The following CHD7 variants were observed in gnomAD, a reference collection of about 807,000 sequenced individuals.
CHD7 encodes ATP-dependent chromatin remodeler CHD7.
A neutral mutation model predicts 307.3 loss-of-function variants in CHD7; 24 were observed. That is an observed-to-expected ratio of 0.08 (90% CI 0.06 to 0.11). The LOEUF (loss-of-function observed/expected upper bound fraction) is 0.11, where lower values mean the gene tolerates loss of function less well. CHD7 is among the 10% of genes least tolerant of loss of function. CHD7 has a pLI of 1.00. For missense variants in CHD7, 3,106 were observed against 3,727.1 expected (o/e 0.83, Z 4.34); for synonymous variants, 1,363 against 1,349.9 (o/e 1.01, Z -0.21).
rs774245379 is a variant in CHD7 at position 60,822,513 on chromosome 8, A to G, written c.2968A>G (p.Ile990Val). Reference protein sequence around the residue: ...LFNWYNMRNCILADEMGLGKT... With the variant: ...LFNWYNMRNCVLADEMGLGKT... ...ATTTTCCTCCTAAAGGCGAAACTGC[A>G]TTTTAGCAGATGAAATGGGTTTGGG... Residue 990 changes from isoleucine (I) to valine (V), a missense_variant, in exon 12 of 38, where the codon ATT (isoleucine) becomes GTT (valine). By Grantham distance (29) the Ile-to-Val change is conservative. Around this residue, in one of 10 missense-constraint regions of CHD7, gnomAD observed 188 missense variants for 261.7 expected, o/e 0.72. Transcript: ENST00000423902. The G allele has an allele frequency of 6.2e-7, 1 of 1,613,372 alleles. No individual in the cohort carries two copies. The highest frequency in any genetic ancestry group is 8.5e-7 in the Non-Finnish European group (1 of 1,179,376).
At chr8:60,773,461 G>A (rs545348736) in intron 2 of CHD7, among the ~76,000 whole-genome samples, 3 of 152,166 alleles carry the variant, frequency 2.0e-5, no homozygotes, top group African/African-American at 7.2e-5. Context: ...CACATCAAAA[G>A]CATGTTCAAT....
intron 2 of CHD7, among the ~76,000 whole-genome samples, chr8:60,765,196 G>C (rs559195796): frequency 1.4e-5 from 1 of 73,414 alleles, no homozygotes; most frequent in Non-Finnish European, 2.6e-5. Context: ...AGATGTTGGG[G>C]ATATGCATAC....
At chr8:60,857,474 A>C (rs1805767653) in intron 34 of CHD7, among the ~76,000 whole-genome samples, 1 of 152,248 alleles carries the variant, frequency 6.6e-6, no homozygotes, top group Non-Finnish European at 1.5e-5. Flanking sequence ...AATCTGCTTC[A>C]ACTACATCTC....
chr8:60,707,853 A>G (rs1471299357), intron 1 of CHD7, among the ~76,000 whole-genome samples: 1 of 152,228 alleles, frequency 6.6e-6, no homozygotes, highest in Admixed American at 6.5e-5. Flanking sequence ...GTTGTACCTT[A>G]AATACAATTT....
intron 1 of CHD7, among the ~76,000 whole-genome samples, chr8:60,711,586 G>A (rs1051628878): frequency 6.6e-6 from 1 of 152,200 alleles, no homozygotes; most frequent in Non-Finnish European, 1.5e-5. Context: ...AATAGAAATG[G>A]TGTTATTCCT....
At chr8:60,763,275 T>G (rs1405246146) in intron 2 of CHD7, among the ~76,000 whole-genome samples, 1 of 152,194 alleles carries the variant, frequency 6.6e-6, no homozygotes, top group Admixed American at 6.5e-5. Context: ...GATGAGATAT[T>G]TTACATTGTT....
intron 7 of CHD7, among the ~76,000 whole-genome samples, chr8:60,810,303 G>T (rs1812736298): frequency 6.6e-6 from 1 of 151,922 alleles, no homozygotes; most frequent in Non-Finnish European, 1.5e-5. Context: ...CAAGATTGGG[G>T]CTTTAGGTGT....
At chr8:60,702,319 A>G (rs1806804413) in intron 1 of CHD7, among the ~76,000 whole-genome samples, 2 of 152,200 alleles carry the variant, frequency 1.3e-5, no homozygotes, top group South Asian at 4.1e-4. Flanking sequence ...AATCTGGAAA[A>G]TATAGGATAT....
intron 19 of CHD7, among the ~76,000 whole-genome samples, chr8:60,840,654 G>A (rs1328686863): frequency 6.8e-6 from 1 of 147,112 alleles, no homozygotes; most frequent in Non-Finnish European, 1.5e-5. Context: ...GTCTTGCTCT[G>A]TTGCCCAGGT....
chr8:60,754,569 A>G (rs1437787747), intron 2 of CHD7, among the ~76,000 whole-genome samples: 2 of 152,194 alleles, frequency 1.3e-5, no homozygotes, highest in Non-Finnish European at 2.9e-5. Flanking sequence ...TTAAAAATCA[A>G]CTTACTAGAT....
At chr8:60,778,587 C>A (rs2150663770) in intron 2 of CHD7, among the ~76,000 whole-genome samples, 1 of 152,284 alleles carries the variant, frequency 6.6e-6, no homozygotes, top group East Asian at 1.9e-4. Flanking sequence ...AAATGCCATG[C>A]AGATTAAAGA....
chr8:60,800,249 G>A (rs1586350269), intron 4 of CHD7, 139 bp from the exon 5 acceptor site: 1 of 654,390 alleles, frequency 1.5e-6, no homozygotes, highest in East Asian at 3.3e-5. Context: ...AGCCAGGATG[G>A]TCTCGATCTC....
chr8:60,807,890 T>C (rs1196293165), intron 6 of CHD7, among the ~76,000 whole-genome samples: 1 of 152,262 alleles, frequency 6.6e-6, no homozygotes, highest in Non-Finnish European at 1.5e-5. Flanking sequence ...ATGGTACACT[T>C]GGCGTCTACT....
chr8:60,699,922 C>T (rs568324424), intron 1 of CHD7, among the ~76,000 whole-genome samples: 1 of 152,034 alleles, frequency 6.6e-6, no homozygotes, highest in East Asian at 1.9e-4. Context: ...CACAACCCTC[C>T]CTGGTTCAAG....
intron 21 of CHD7, among the ~76,000 whole-genome samples, 186 bp from the exon 22 acceptor site, chr8:60,844,678 A>AC (rs1345863244): frequency 2.0e-5 from 3 of 152,216 alleles, no homozygotes; most frequent in Non-Finnish European, 4.4e-5. Flanking sequence ...GAAGCAGTGA[A>AC]CTGAGGGGCA....
intron 1 of CHD7, among the ~76,000 whole-genome samples, chr8:60,707,294 C>T (rs748256175): frequency 1.3e-5 from 2 of 152,160 alleles, no homozygotes; most frequent in African/African-American, 2.4e-5. Context: ...ATTTCAATTA[C>T]AGTAGTGTGA....
Position 60,731,616 on chromosome 8 carries a change from AC to A in CHD7, c.-174-9642del, listed in dbSNP as rs1220651522. Among the ~76,000 whole-genome samples the A allele has an allele frequency of 4.6e-5, 7 of 152,314 alleles. No homozygotes were observed. The East Asian group carries it at 1.3e-3, about 29-fold the overall frequency. ...TGAAATATTGGATATGCAACTGTTA[AC>A]TCTGTATTTCAGCCTTAATTCCATC... On this transcript the variant is annotated intron_variant, in intron 1 of 37. Coordinates refer to ENST00000423902, the MANE Select transcript of CHD7 (RefSeq NM_017780.4).
At chr8:60,826,935 G>T (rs916651948) in intron 13 of CHD7, among the ~76,000 whole-genome samples, 1 of 152,208 alleles carries the variant, frequency 6.6e-6, no homozygotes, top group Non-Finnish European at 1.5e-5. Context: ...GCTAGCATAG[G>T]TGGAGGTGAT....
At chr8:60,808,309 A>G (rs1382080228) in intron 7 of CHD7, 37 bp downstream of exon 7, 1 of 1,221,364 alleles carries the variant, frequency 8.2e-7, no homozygotes. Context: ...ATGGGGGGCT[A>G]TATTTTCCAA....
Sources: allele counts gnomAD v4.1 joint callset (sites outside exome capture counted in the v4.1 genomes callset), GRCh38; gene constraint gnomAD v4.1.1; regional missense constraint gnomAD v4.1.1; transcripts MANE v1.5; gene names NCBI Gene and HGNC (gene_info 2026-07-23, HGNC 2026-07-21).